Variants in KCNQ5 observed in about 807,000 individuals in gnomAD.
The protein encoded by KCNQ5 is potassium voltage-gated channel subfamily Q member 5, also known as potassium voltage-gated channel subfamily KQT member 5.
Under a neutral mutation model 98.2 loss-of-function variants are expected in KCNQ5, and 30 were observed. The observed-to-expected ratio is 0.31, with a 90% CI of 0.23 to 0.41. The LOEUF (loss-of-function observed/expected upper bound fraction) is 0.41, where lower values mean the gene tolerates loss of function less well. KCNQ5 is among the 10% of genes least tolerant of loss of function. The pLI, the probability that KCNQ5 is intolerant of heterozygous loss-of-function variation, is 1.00. For missense variants in KCNQ5, 835 were observed against 1,182.5 expected (o/e 0.71, Z 4.31); for synonymous variants, 458 against 449.4 (o/e 1.02, Z -0.24).
chr6:72,800,783 A>G lies in KCNQ5; in HGVS notation c.398+178196A>G, dbSNP rs553117544. 2.0e-3 allele frequency among the ~76,000 whole-genome samples: 307 copies of G among 152,298 alleles called. 2 individuals carry two copies. The highest frequency in any genetic ancestry group is 1.9e-3 in the Non-Finnish European group (132 of 68,018). On this transcript the variant is annotated intron_variant, in intron 1 of 13. Coordinates refer to ENST00000370398, the MANE Select transcript of KCNQ5 (RefSeq NM_019842.4). Reference sequence around the variant, plus strand: ...CATTTAGTGCTATAAATTTCCCTCTAAACACTGCTTTGAATGTGTCCCAGA... The same window carrying G: ...CATTTAGTGCTATAAATTTCCCTCTGAACACTGCTTTGAATGTGTCCCAGA...
At chr6:72,986,904 T>G in intron 1 of KCNQ5, 1 of 852,250 alleles carries the variant, frequency 1.2e-6, no homozygotes, top group South Asian at 1.5e-5. Flanking sequence ...ACTTGCTCAG[T>G]GGGGAAGAAG....
intron 13 of KCNQ5, among the ~76,000 whole-genome samples, chr6:73,193,263 G>T (rs567632190): frequency 6.6e-6 from 1 of 151,194 alleles, no homozygotes; most frequent in Non-Finnish European, 1.5e-5. Flanking sequence ...CAAGTGATCC[G>T]CTTGCCTTGG....
chr6:73,089,477 C>T (rs2882398), intron 5 of KCNQ5, among the ~76,000 whole-genome samples: 133,234 of 152,086 alleles, frequency 0.88, 58,995 homozygotes, highest in South Asian at 0.96. Flanking sequence ...AGTTCTTTCA[C>T]GGTGAGTTGT....
intron 1 of KCNQ5, among the ~76,000 whole-genome samples, chr6:72,651,233 C>G (rs1765860585): frequency 1.3e-5 from 2 of 152,054 alleles, no homozygotes; most frequent in Admixed American, 1.3e-4. Context: ...CATCTCTTTT[C>G]CCTAGTGCCT....
intron 4 of KCNQ5, 117 bp downstream of exon 4, chr6:73,077,614 A>G (rs762561252): frequency 7.6e-7 from 1 of 1,314,014 alleles, no homozygotes; most frequent in Non-Finnish European, 1.0e-6. Flanking sequence ...TGGTTAAAAC[A>G]ATTTTGGGAC....
intron 1 of KCNQ5, chr6:72,640,839 T>C (rs925923383): frequency 3.9e-5 from 6 of 152,150 alleles, no homozygotes; most frequent in African/African-American, 1.4e-4. Context: ...CAGTTGTAGA[T>C]CTGTGACCTT....
intron 7 of KCNQ5, among the ~76,000 whole-genome samples, chr6:73,118,795 C>T (rs990861407): frequency 2.0e-5 from 3 of 152,030 alleles, no homozygotes; most frequent in Non-Finnish European, 4.4e-5. Flanking sequence ...GCCGAGGTGG[C>T]AGATCACCTG....
chr6:72,888,491 C>T lies in KCNQ5; in HGVS notation c.399-115417C>T, dbSNP rs140577293. ...CAGAAAATCACTGAAGAACCTTAAG[C>T]GGACAAGAGTCATAGTCAAATTTTA... is the stretch of plus-strand genomic sequence containing the variant. On this transcript the variant is annotated intron_variant, in intron 1 of 13. Coordinates refer to ENST00000370398, the MANE Select transcript of KCNQ5 (RefSeq NM_019842.4). 4.6e-5 allele frequency among the ~76,000 whole-genome samples: 7 copies of T among 152,230 alleles called. No homozygotes were observed. The East Asian group carries it at 5.8e-4, about 13-fold the overall frequency.
At chr6:72,811,334 T>G (rs1052183497) in intron 1 of KCNQ5, among the ~76,000 whole-genome samples, 2 of 152,186 alleles carry the variant, frequency 1.3e-5, no homozygotes, top group African/African-American at 4.8e-5. Context: ...GCTTCCTGAA[T>G]CTAAGGAAGT....
At chr6:72,921,553 A>T (rs1379572389) in intron 1 of KCNQ5, among the ~76,000 whole-genome samples, 2 of 152,160 alleles carry the variant, frequency 1.3e-5, no homozygotes, top group African/African-American at 4.8e-5. Context: ...GCTACTTACT[A>T]GTTGTATGAC....
chr6:72,947,213 C>T (rs950531373), intron 1 of KCNQ5, among the ~76,000 whole-genome samples: 1 of 152,164 alleles, frequency 6.6e-6, no homozygotes, highest in Non-Finnish European at 1.5e-5. Flanking sequence ...ATATATGCTT[C>T]ACTTAACATG....
At chr6:72,987,042 C>A (rs1173313918) in intron 1 of KCNQ5, 1 of 758,480 alleles carries the variant, frequency 1.3e-6, no homozygotes, top group Non-Finnish European at 2.2e-6. Context: ...CCACTCCAAG[C>A]CCTTCAGGTC....
intron 1 of KCNQ5, among the ~76,000 whole-genome samples, chr6:72,669,067 C>A (rs1766967830): frequency 6.6e-6 from 1 of 152,080 alleles, no homozygotes; most frequent in Non-Finnish European, 1.5e-5. Flanking sequence ...AAAATGCATT[C>A]ATTCCATCCT....
intron 1 of KCNQ5, among the ~76,000 whole-genome samples, chr6:72,764,210 C>T (rs921126888): frequency 1.3e-5 from 2 of 151,794 alleles, no homozygotes; most frequent in African/African-American, 4.8e-5. Flanking sequence ...AAATTAGGCT[C>T]GATTCTAAAT....
intron 3 of KCNQ5, among the ~76,000 whole-genome samples, chr6:73,052,248 C>A (rs529943834): frequency 2.0e-4 from 31 of 152,200 alleles, no homozygotes; most frequent in African/African-American, 7.5e-4. Flanking sequence ...TGTAAAGACA[C>A]CAAATCTATG....
chr6:72,697,361 A>G (rs1415420329), intron 1 of KCNQ5, among the ~76,000 whole-genome samples: 1 of 152,220 alleles, frequency 6.6e-6, no homozygotes. Context: ...TATAGAAGTT[A>G]TAGGACACAA....
In KCNQ5 at chr6:72,824,201, C is replaced by T. The variant is rs138658352; in HGVS notation, c.399-179707C>T. Among the ~76,000 whole-genome samples the T allele has an allele frequency of 2.2e-3, 334 of 152,070 alleles. 2 individuals carry two copies. The highest frequency in any genetic ancestry group is 7.2e-3 in the African/African-American group (298 of 41,502). ...AAGATTATGAATCATAAATTAATCACAAGTGCCATACCTATTATTTTAGAA... is the reference window on the plus strand; with the variant it reads ...AAGATTATGAATCATAAATTAATCATAAGTGCCATACCTATTATTTTAGAA... On this transcript the variant is annotated intron_variant, in intron 1 of 13. Transcript: ENST00000370398.
At chr6:72,983,987 C>T (rs1377149122) in intron 1 of KCNQ5, among the ~76,000 whole-genome samples, 1 of 152,216 alleles carries the variant, frequency 6.6e-6, no homozygotes, top group Non-Finnish European at 1.5e-5. Context: ...CGGTCCACTC[C>T]AGACCCTGTT....
chr6:73,050,025 CA>C (rs559138164), intron 3 of KCNQ5, among the ~76,000 whole-genome samples: 3 of 150,882 alleles, frequency 2.0e-5, no homozygotes, highest in East Asian at 3.9e-4. Context: ...CCTATCTCTA[CA>C]AAAAAAACAA....
Sources: gnomAD v4.1 joint callset for allele counts (sites outside exome capture counted in the v4.1 genomes callset) on GRCh38, gnomAD v4.1.1 for gene constraint, MANE v1.5 for transcripts, NCBI Gene and HGNC (gene_info 2026-07-23, HGNC 2026-07-21) for gene names.